The following KIF21A variants were observed in gnomAD, a reference collection of about 807,000 sequenced individuals.
The protein encoded by KIF21A is kinesin-like protein KIF21A.
KIF21A carries 114 observed loss-of-function variants against 202.9 expected under a neutral mutation model. The ratio of observed to expected loss-of-function variants is 0.56; its 90% CI spans 0.48 to 0.66. KIF21A has a LOEUF of 0.66. Ranked by LOEUF, KIF21A falls within the 30% of genes least tolerant of loss-of-function variation. The probability of loss-of-function intolerance (pLI) is 0.00; values close to 1 mark genes in which losing one functional copy is unlikely to be tolerated. For missense variants in KIF21A, 1,677 were observed against 1,994.9 expected (o/e 0.84, Z 3.04); for synonymous variants, 667 against 670.8 (o/e 0.99, Z 0.09).
At chr12:39,333,137 T>A (rs1946650580) in intron 18 of KIF21A, 30 bp from the exon 19 acceptor site, 1 of 1,607,742 alleles carries the variant, frequency 6.2e-7, no homozygotes, top group Non-Finnish European at 8.5e-7. Context: ...TGACTCATTC[T>A]CTTAGTCTAT....
Position 39,415,552 on chromosome 12 carries a change from C to A in KIF21A, c.44+27375G>T, listed in dbSNP as rs528280438. 4.6e-5 allele frequency among the ~76,000 whole-genome samples: 7 copies of A among 152,258 alleles called. No homozygotes were observed. The East Asian group carries it at 1.4e-3, about 29-fold the overall frequency. ...GATTACAGGCGTGAGCCGCCGCGCC[C>A]GGCCGAGAATGCTTCTTTAAAACAT... On this transcript the variant is annotated intron_variant, in intron 1 of 37. Transcript: ENST00000361418.
intron 1 of KIF21A, among the ~76,000 whole-genome samples, chr12:39,395,090 A>G (rs1379703218): frequency 6.6e-6 from 1 of 152,110 alleles, no homozygotes; most frequent in African/African-American, 2.4e-5. Flanking sequence ...AATAGCAATA[A>G]TCTTCTCATT....
chr12:39,419,150 G>T (rs2140189505), intron 1 of KIF21A, among the ~76,000 whole-genome samples: 1 of 152,286 alleles, frequency 6.6e-6, no homozygotes, highest in South Asian at 2.1e-4. Flanking sequence ...TTTAGTACTG[G>T]CTCTCTTCTG....
At position 39,443,017 on chromosome 12, in the gene KIF21A, G is replaced by A. The variant is rs1279266325; in HGVS notation, c.-47C>T. ...AGCCGTTGGGCCTCGGCACCGCAGA[G>A]CTGAGGCGCCACTGGGGCCGCGGGA... On this transcript the variant is annotated 5_prime_UTR_variant, in exon 1 of 38. Coordinates refer to ENST00000361418, the MANE Select transcript of KIF21A (RefSeq NM_001173464.2). The A allele has an allele frequency of 1.3e-6, 2 of 1,497,640 alleles. No homozygotes were observed. Among genetic ancestry groups the A allele is most frequent in the Non-Finnish European group, 1.8e-6 (2 of 1,130,550 alleles). The allele number at this position is 1,497,640 out of a possible 1,614,324, so 92.8% of individuals were successfully genotyped here. A position where few individuals can be genotyped will look rare whatever the true frequency, so the allele number is the denominator to read the frequency against.
intron 1 of KIF21A, among the ~76,000 whole-genome samples, chr12:39,438,253 G>A (rs1372143615): frequency 6.6e-6 from 1 of 152,134 alleles, no homozygotes; most frequent in Non-Finnish European, 1.5e-5. Flanking sequence ...TTATTCTTCA[G>A]TAATAAGGAT....
At position 39,332,334 on chromosome 12, in the gene KIF21A, C is replaced by G; in HGVS notation, c.2931G>C (p.Glu977Asp). 6.2e-7 allele frequency: 1 copy of G among 1,613,826 alleles called. No homozygotes were observed. Among genetic ancestry groups the G allele is most frequent in the South Asian group, 1.1e-5 (1 of 91,070 alleles). Residue 977 changes from glutamate (E) to aspartate (D), a missense_variant, in exon 21 of 38, where the codon GAG becomes GAC. Transcript: ENST00000361418. Reference sequence around the variant, plus strand: ...TGATATTAGCCACATTTTTATCTCCCTCTCCATTCTCCTTGACTATCTTCT... The same window carrying G: ...TGATATTAGCCACATTTTTATCTCCGTCTCCATTCTCCTTGACTATCTTCT... ...RREKIVKENG[E>D]GDKNVANINE...
At chr12:39,330,425 GA>G (rs1288313644) in intron 23 of KIF21A, among the ~76,000 whole-genome samples, 163 bp from the exon 24 acceptor site, 1 of 152,218 alleles carries the variant, frequency 6.6e-6, no homozygotes, top group Non-Finnish European at 1.5e-5. Flanking sequence ...GAGATACGCA[GA>G]GTAAAGTAAT....
At chr12:39,331,845 G>A in intron 21 of KIF21A, 54 bp from the exon 22 acceptor site, 1 of 1,281,910 alleles carries the variant, frequency 7.8e-7, no homozygotes, top group Non-Finnish European at 1.1e-6. Flanking sequence ...AAAACAGAAG[G>A]CAACAGCCTA....
intron 37 of KIF21A, among the ~76,000 whole-genome samples, chr12:39,295,705 T>TG (rs1378061399): frequency 1.4e-5 from 2 of 143,382 alleles, no homozygotes; most frequent in East Asian, 2.0e-4. Flanking sequence ...TTTTTTTTTT[T>TG]TTTTTTTTTT....
intron 32 of KIF21A, among the ~76,000 whole-genome samples, chr12:39,310,551 C>A: frequency 6.6e-6 from 1 of 152,056 alleles, no homozygotes; most frequent in Non-Finnish European, 1.5e-5. Context: ...CAGCACTTCT[C>A]TTATACATAT....
At chr12:39,330,549 G>T (rs1946421607) in intron 23 of KIF21A, among the ~76,000 whole-genome samples, 197 bp downstream of exon 23, 1 of 152,086 alleles carries the variant, frequency 6.6e-6, no homozygotes, top group Non-Finnish European at 1.5e-5. Context: ...ATTTTAAGTT[G>T]GTAACCATTT....
intron 1 of KIF21A, among the ~76,000 whole-genome samples, chr12:39,404,349 T>C (rs73086901): frequency 0.03 from 4,616 of 152,248 alleles, 112 homozygotes; most frequent in Middle Eastern, 0.085. Flanking sequence ...TATTAACAAA[T>C]AAGATGAGAA....
chr12:39,407,447 C>T (rs1212369375), intron 1 of KIF21A, among the ~76,000 whole-genome samples: 1 of 152,304 alleles, frequency 6.6e-6, no homozygotes, highest in South Asian at 2.1e-4. Flanking sequence ...CTACTCATCC[C>T]TGAAAACCCA....
chr12:39,316,607 T>A (rs1332560414), intron 29 of KIF21A, among the ~76,000 whole-genome samples: 5 of 151,988 alleles, frequency 3.3e-5, no homozygotes, highest in African/African-American at 1.2e-4. Flanking sequence ...CTGCAGTGAG[T>A]CTGGTTATTA....
At chr12:39,436,448 A>ATATATATATATTTT (rs1387332677) in intron 1 of KIF21A, among the ~76,000 whole-genome samples, 38 of 95,754 alleles carry the variant, frequency 4.0e-4, no homozygotes, top group Non-Finnish European at 5.6e-4. Context: ...ATATATATAT[A>ATATATATATATTTT]TTTTTTTTTT....
intron 1 of KIF21A, among the ~76,000 whole-genome samples, chr12:39,433,197 T>A (rs950733912): frequency 6.6e-6 from 1 of 151,944 alleles, no homozygotes; most frequent in Non-Finnish European, 1.5e-5. Context: ...GATTTTGAGA[T>A]CATTAGACAG....
At chr12:39,314,925 T>C (rs991772992) in intron 31 of KIF21A, among the ~76,000 whole-genome samples, 2 of 151,930 alleles carry the variant, frequency 1.3e-5, no homozygotes, top group African/African-American at 4.8e-5. Context: ...GTTTTATTAC[T>C]TTAAAATGTT....
In KIF21A at chr12:39,311,364, A is replaced by AT. The variant is rs371698345; in HGVS notation, c.4096+52dup. ...TTTTCTAGAATATGTTAAAAATGTA[A>AT]TTTTTTTTAAAAAAAAAGCTATTAA... is the stretch of plus-strand genomic sequence containing the variant. On this transcript the variant is annotated intron_variant, in intron 32 of 37. Coordinates refer to ENST00000361418, the MANE Select transcript of KIF21A (RefSeq NM_001173464.2). 8,240 of 1,485,422 alleles carry AT rather than the reference A, an allele frequency of 5.5e-3. 78 individuals carry two copies. Among genetic ancestry groups the AT allele is most frequent in the African/African-American group, 0.037 (2,589 of 69,736 alleles). The allele number at this position is 1,485,422 out of a possible 1,614,324, so 92.0% of individuals were successfully genotyped here.
intron 1 of KIF21A, among the ~76,000 whole-genome samples, chr12:39,379,579 G>T (rs1204054842): frequency 6.6e-6 from 1 of 152,108 alleles, no homozygotes; most frequent in Non-Finnish European, 1.5e-5. Flanking sequence ...GATGTCCATG[G>T]GCGTCAAAAA....
Sources: gnomAD v4.1 joint callset for allele counts (sites outside exome capture counted in the v4.1 genomes callset) on GRCh38, gnomAD v4.1.1 for gene constraint, MANE v1.5 for transcripts, NCBI Gene and HGNC (gene_info 2026-07-23, HGNC 2026-07-21) for gene names.